Variants in TULP4 observed in about 807,000 individuals in gnomAD.
TULP4 encodes the protein tubby-related protein 4.
TULP4 carries 16 observed loss-of-function variants against 129.0 expected under a neutral mutation model. The ratio of observed to expected loss-of-function variants is 0.12; its 90% CI spans 0.08 to 0.19. The LOEUF (loss-of-function observed/expected upper bound fraction) is 0.19, where lower values mean the gene tolerates loss of function less well. Ranked by LOEUF, TULP4 falls within the 10% of genes least tolerant of loss-of-function variation. The probability of loss-of-function intolerance (pLI) is 1.00; values close to 1 mark genes in which losing one functional copy is unlikely to be tolerated. For synonymous variants in TULP4, 998 were observed against 854.0 expected, an observed-to-expected ratio of 1.17 and a Z score of -2.94; for missense variants, 1,842 against 2,059.1, an observed-to-expected ratio of 0.89 and a Z score of 2.04.
chr6:158,275,602 T>C (rs766222233), intron 1 of TULP4, among the ~76,000 whole-genome samples: 4 of 152,208 alleles, frequency 2.6e-5, no homozygotes, highest in South Asian at 2.1e-4. Context: ...AGAGATTCCT[T>C]TGAACCCACC....
At chr6:158,237,272 C>T in intron 1 of TULP4, 2 of 1,187,280 alleles carry the variant, frequency 1.7e-6, no homozygotes, top group Non-Finnish European at 2.5e-6. Flanking sequence ...GCTGTATTAC[C>T]TTTATTATAT....
chr6:158,312,277 C>T (rs1476995177), upstream of TULP4: 3 of 396,064 alleles, frequency 7.6e-6, no homozygotes, highest in Admixed American at 4.4e-5. Context: ...AGCAACTTGA[C>T]ACCAGTGGGC....
chr6:158,458,270 G>C (rs1779339097), intron 5 of TULP4, among the ~76,000 whole-genome samples: 1 of 152,120 alleles, frequency 6.6e-6, no homozygotes, highest in Non-Finnish European at 1.5e-5. Flanking sequence ...TAACCTTCCA[G>C]ACTTTTACCA....
At chr6:158,415,516 A>AT (rs1318537013) in intron 2 of TULP4, among the ~76,000 whole-genome samples, 34 of 144,978 alleles carry the variant, frequency 2.3e-4, no homozygotes, top group African/African-American at 6.9e-4. Flanking sequence ...CGCCCGGCTA[A>AT]TTTTTTTTTG....
At chr6:158,240,789 C>T (rs1225243626) in intron 1 of TULP4, among the ~76,000 whole-genome samples, 6 of 144,746 alleles carry the variant, frequency 4.1e-5, no homozygotes, top group East Asian at 2.2e-4. Flanking sequence ...GCTGGCCAGG[C>T]GGGGGGCTGA....
intron 2 of TULP4, among the ~76,000 whole-genome samples, chr6:158,415,528 A>AT (rs34468141): frequency 0.19 from 26,398 of 135,560 alleles, 3,018 homozygotes; most frequent in Middle Eastern, 0.3. Flanking sequence ...TTTTTTTTGT[A>AT]TTTTTTTTTT....
At chr6:158,248,666 G>T (rs1285071701) in intron 1 of TULP4, among the ~76,000 whole-genome samples, 1 of 151,888 alleles carries the variant, frequency 6.6e-6, no homozygotes, top group African/African-American at 2.4e-5. Context: ...GCTTGAGCCT[G>T]GGGAGGTTGA....
intron 1 of TULP4, among the ~76,000 whole-genome samples, chr6:158,305,790 C>G (rs1779208942): frequency 6.6e-6 from 1 of 151,840 alleles, no homozygotes; most frequent in African/African-American, 2.4e-5. Context: ...ATACAAATAT[C>G]TGTTCAAGTT....
At chr6:158,292,392 C>A (rs1778959099) in intron 1 of TULP4, among the ~76,000 whole-genome samples, 1 of 152,080 alleles carries the variant, frequency 6.6e-6, no homozygotes, top group Non-Finnish European at 1.5e-5. Context: ...CTCTTGTGTC[C>A]CCTGTCAGAT....
At chr6:158,392,578 A>G (rs1201565830) in intron 1 of TULP4, among the ~76,000 whole-genome samples, 1 of 152,012 alleles carries the variant, frequency 6.6e-6, no homozygotes, top group Non-Finnish European at 1.5e-5. Flanking sequence ...AGAAAGCAGG[A>G]TAGGGTGGTG....
chr6:158,452,803 G>T (rs1319159592), intron 5 of TULP4, among the ~76,000 whole-genome samples: 2 of 152,238 alleles, frequency 1.3e-5, no homozygotes, highest in African/African-American at 4.8e-5. Context: ...ATACCTTCCT[G>T]ATAGATATTA....
intron 1 of TULP4, among the ~76,000 whole-genome samples, chr6:158,283,976 C>T (rs1163447875): frequency 6.6e-6 from 1 of 152,082 alleles, no homozygotes; most frequent in Non-Finnish European, 1.5e-5. Context: ...AGATAATGGA[C>T]CCTCCTATAA....
rs576755437 is a variant in TULP4, at chr6:158,312,676, A to G, written c.-1341A>G. ...TGTATTTGAGAAATTTTAATTTATT[A>G]TTCCCCCCCTTTTTTCCTGCATCTA... On this transcript the variant is annotated 5_prime_UTR_variant, in exon 1 of 14. Transcript: ENST00000367097. The G allele has an allele frequency of 6.6e-6, 1 of 151,776 alleles. No homozygotes were observed. Among genetic ancestry groups the G allele is most frequent in the Admixed American group, 6.6e-5 (1 of 15,228 alleles). The allele number at this position is 151,776 out of a possible 1,614,324, so 9.4% of individuals were successfully genotyped here.
chr6:158,389,608 A>T (rs550903758), intron 1 of TULP4, among the ~76,000 whole-genome samples: 1 of 152,130 alleles, frequency 6.6e-6, no homozygotes, highest in Admixed American at 6.5e-5. Flanking sequence ...ATTTTGTACA[A>T]TTTTTTTCTA....
In TULP4 at chr6:158,493,355, T is replaced by C. The variant is rs1007895912; in HGVS notation, c.1632-218T>C. On this transcript the variant is annotated intron_variant, in intron 9 of 13. Transcript: ENST00000367097. The surrounding 1 kb of genome is among the most constrained non-coding windows in gnomAD (Gnocchi z 4.4). ...CCACCACACCCAGTTTCTCAATATA[T>C]TTTAAAATGTATATTATTCAATGTA... Among the ~76,000 whole-genome samples, 33 of 152,204 alleles carry C rather than the reference T, an allele frequency of 2.2e-4. No individual in the cohort carries two copies. The highest frequency in any genetic ancestry group is 6.8e-4 in the African/African-American group (28 of 41,440).
chr6:158,301,533 C>A (rs1779130772), intron 1 of TULP4, among the ~76,000 whole-genome samples: 1 of 152,086 alleles, frequency 6.6e-6, no homozygotes, highest in African/African-American at 2.4e-5. Flanking sequence ...CGGATCAAAT[C>A]TGGAAAATTT....
chr6:158,238,412 A>ATT, intron 1 of TULP4: 2 of 424,796 alleles, frequency 4.7e-6, no homozygotes, highest in East Asian at 3.7e-5. Flanking sequence ...GCCTTGTTAA[A>ATT]TTGTTTTTTT....
chr6:158,360,302 A>T (rs1415355622), intron 1 of TULP4, among the ~76,000 whole-genome samples: 1 of 152,100 alleles, frequency 6.6e-6, no homozygotes, highest in Admixed American at 6.6e-5. Context: ...GTATCTGTCC[A>T]TCATGGAGGG....
intron 1 of TULP4, among the ~76,000 whole-genome samples, chr6:158,266,679 A>G (rs1215582318): frequency 6.6e-6 from 1 of 152,228 alleles, no homozygotes; most frequent in Non-Finnish European, 1.5e-5. Context: ...GAACAATAGC[A>G]TTTACGTTGT....
Sources: gnomAD v4.1 joint callset for allele counts (sites outside exome capture counted in the v4.1 genomes callset) on GRCh38, gnomAD v4.1.1 for gene constraint, Gnocchi (gnomAD v3.1) non-coding constraint, MANE v1.5 for transcripts, NCBI Gene and HGNC (gene_info 2026-07-23, HGNC 2026-07-21) for gene names.